Variants in SNX6 observed in about 807,000 individuals in gnomAD.
SNX6 encodes the protein sorting nexin 6.
Under a neutral mutation model 63.0 loss-of-function variants are expected in SNX6, and 34 were observed. That is an observed-to-expected ratio of 0.54 (90% confidence interval 0.41 to 0.72). The LOEUF (loss-of-function observed/expected upper bound fraction) is 0.72. Ranked by LOEUF, SNX6 falls within the 30% of genes least tolerant of loss-of-function variation. The pLI is 0.00. For synonymous variants in SNX6, 170 were observed against 164.2 expected (o/e 1.04, Z -0.27); for missense variants, 398 against 471.4 (o/e 0.84, Z 1.44).
chr14:34,594,180 C>T (rs149404868), intron 7 of SNX6, among the ~76,000 whole-genome samples: 2 of 152,224 alleles, frequency 1.3e-5, no homozygotes, highest in African/African-American at 4.8e-5. Flanking sequence ...TTTTCTTGGC[C>T]TGTTATACAT....
intron 2 of SNX6, among the ~76,000 whole-genome samples, chr14:34,614,383 G>A (rs992496347): frequency 4.6e-5 from 7 of 151,494 alleles, no homozygotes; most frequent in Non-Finnish European, 1.0e-4. Context: ...GCTGCAGTGA[G>A]CCAAGAAACT....
At chr14:34,627,996 T>A (rs1255864349) in intron 2 of SNX6, among the ~76,000 whole-genome samples, 2 of 152,210 alleles carry the variant, frequency 1.3e-5, no homozygotes, top group Admixed American at 1.3e-4. Context: ...AAATAATGCC[T>A]TTGTTTACAC....
intron 13 of SNX6, among the ~76,000 whole-genome samples, chr14:34,564,259 C>A (rs1881067890): frequency 6.6e-6 from 1 of 152,122 alleles, no homozygotes; most frequent in Non-Finnish European, 1.5e-5. Context: ...AACCCCTGAC[C>A]TCAGGTGATC....
chr14:34,578,704 G>C (rs1411348112), intron 10 of SNX6, among the ~76,000 whole-genome samples: 4 of 150,316 alleles, frequency 2.7e-5, no homozygotes, highest in African/African-American at 9.8e-5. Flanking sequence ...ACTTTGGGAG[G>C]CCAAGGTGAG....
intron 5 of SNX6, 175 bp downstream of exon 5, chr14:34,605,421 C>A: frequency 7.0e-6 from 3 of 428,016 alleles, no homozygotes; most frequent in Non-Finnish European, 1.2e-5. Flanking sequence ...TATAATTTTC[C>A]TGTAGGCTCT....
intron 2 of SNX6, among the ~76,000 whole-genome samples, chr14:34,610,870 GAGA>G (rs1883201256): frequency 6.6e-6 from 1 of 152,136 alleles, no homozygotes; most frequent in Admixed American, 6.6e-5. Flanking sequence ...CTAGGACTTA[GAGA>G]ATCTCACCTG....
At chr14:34,629,718 C>G (rs1566498818) in intron 2 of SNX6, 189 bp downstream of exon 2, 1 of 960,762 alleles carries the variant, frequency 1.0e-6, no homozygotes, top group East Asian at 2.6e-5. Flanking sequence ...CCCCGGGAAT[C>G]GGAGCCGAGC....
chr14:34,619,445 TAGAGAGAGAG>T (rs368306371), intron 2 of SNX6, among the ~76,000 whole-genome samples: 10 of 148,128 alleles, frequency 6.8e-5, no homozygotes, highest in Admixed American at 6.1e-4. Flanking sequence ...TATATATATT[TAGAGAGAGAG>T]AGAGAGAGAG....
rs530298429 is a variant in SNX6, at chr14:34,611,892, C to A, written c.55-2150G>T. Among the ~76,000 whole-genome samples the A allele has an allele frequency of 1.2e-3, 189 of 152,132 alleles. 1 individual carries two copies. The highest frequency in any genetic ancestry group is 0.01 in the Middle Eastern group (3 of 294). On this transcript the variant is annotated intron_variant, in intron 2 of 13. Transcript: ENST00000362031. ...CTCCCGGGTTCACGCCATTCTCCTG[C>A]CTCAGCCTCCCAAGTAGCTGGGACT... is the stretch of plus-strand genomic sequence containing the variant.
intron 8 of SNX6, among the ~76,000 whole-genome samples, chr14:34,588,044 G>C (rs1882247271): frequency 6.8e-6 from 1 of 147,888 alleles, no homozygotes; most frequent in Non-Finnish European, 1.5e-5. Context: ...GTCTCACTCT[G>C]TCACCCAGGC....
chr14:34,568,822 CGGTGG>C, intron 11 of SNX6: 1 of 1,032,070 alleles, frequency 9.7e-7, no homozygotes, highest in South Asian at 1.3e-5. Context: ...TTGGAGGACC[CGGTGG>C]GCCACATTCT....
At chr14:34,609,142 T>A (rs1883126448) in intron 3 of SNX6, among the ~76,000 whole-genome samples, 1 of 151,718 alleles carries the variant, frequency 6.6e-6, no homozygotes, top group Admixed American at 6.6e-5. Flanking sequence ...TGGAAAAAAA[T>A]TAAATTTGCC....
chr14:34,574,040 A>G (rs1881573755), intron 11 of SNX6, among the ~76,000 whole-genome samples: 1 of 151,904 alleles, frequency 6.6e-6, no homozygotes, highest in Non-Finnish European at 1.5e-5. Context: ...CATAGACCAA[A>G]TAGAAATCCT....
At chr14:34,584,603 T>C (rs73236268) in intron 9 of SNX6, among the ~76,000 whole-genome samples, 1,599 of 152,162 alleles carry the variant, frequency 0.011, 24 homozygotes, top group African/African-American at 0.036. Flanking sequence ...TACATACATA[T>C]ATATATATTC....
intron 10 of SNX6, 88 bp from the exon 11 acceptor site, chr14:34,575,930 G>T (rs1026354824): frequency 1.4e-4 from 74 of 524,100 alleles, no homozygotes; most frequent in African/African-American, 1.7e-4. Flanking sequence ...TTGTTTTTTT[G>T]TTTTTTTTTT....
At chr14:34,592,689 T>C (rs1483001344) in intron 8 of SNX6, among the ~76,000 whole-genome samples, 2 of 152,106 alleles carry the variant, frequency 1.3e-5, no homozygotes, top group African/African-American at 2.4e-5. Context: ...TTAGCTTTCC[T>C]AGTAGCTGGG....
At chr14:34,594,499 G>A (rs1002580839) in intron 7 of SNX6, among the ~76,000 whole-genome samples, 3 of 151,882 alleles carry the variant, frequency 2.0e-5, no homozygotes, top group Non-Finnish European at 2.9e-5. Context: ...GACTACAGGC[G>A]CATGCCACAA....
chr14:34,617,783 T>C (rs34814201), intron 2 of SNX6, among the ~76,000 whole-genome samples: 59,801 of 151,516 alleles, frequency 0.39, 13,091 homozygotes, highest in East Asian at 0.74. Flanking sequence ...AAGCCGGGCG[T>C]GGTGGCGGGC....
At chr14:34,566,876 C>A (rs1361009695) in intron 13 of SNX6, among the ~76,000 whole-genome samples, 1 of 149,956 alleles carries the variant, frequency 6.7e-6, no homozygotes, top group African/African-American at 2.5e-5. Flanking sequence ...TTGATGCTAT[C>A]CTGGACAACA....
Sources: allele counts gnomAD v4.1 joint callset (sites outside exome capture counted in the v4.1 genomes callset), GRCh38; gene constraint gnomAD v4.1.1; transcripts MANE v1.5; gene names NCBI Gene and HGNC (gene_info 2026-07-23, HGNC 2026-07-21).